Variants in AGBL1 observed in about 807,000 individuals in gnomAD.
AGBL1 encodes the protein AGBL carboxypeptidase 1.
AGBL1 carries 130 observed loss-of-function variants against 118.9 expected under a neutral mutation model. That is an observed-to-expected ratio of 1.09 (90% confidence interval 0.95 to 1.26). The LOEUF (loss-of-function observed/expected upper bound fraction) is 1.26, where lower values mean the gene tolerates loss of function less well. Among genes scored for constraint, AGBL1 ranks in the 50% most tolerant of loss-of-function variants. The pLI, the probability that AGBL1 is intolerant of heterozygous loss-of-function variation, is 0.00. For synonymous variants in AGBL1, 555 were observed against 478.9 expected (o/e 1.16, Z -2.08); for missense variants, 1,584 against 1,298.1 (o/e 1.22, Z -3.38).
At chr15:86,227,053 G>C (rs2078377236) in intron 6 of AGBL1, among the ~76,000 whole-genome samples, 1 of 152,046 alleles carries the variant, frequency 6.6e-6, no homozygotes, top group South Asian at 2.1e-4. Flanking sequence ...TGAGTACTGG[G>C]ATACCAAATT....
chr15:86,703,573 C>A (rs1338758665), intron 22 of AGBL1, among the ~76,000 whole-genome samples: 1 of 152,094 alleles, frequency 6.6e-6, no homozygotes, highest in Non-Finnish European at 1.5e-5. Flanking sequence ...GTCTCTGTGT[C>A]CCTACCCAAA....
intron 22 of AGBL1, among the ~76,000 whole-genome samples, chr15:86,722,193 T>C (rs1016200876): frequency 7.9e-5 from 12 of 152,162 alleles, no homozygotes; most frequent in South Asian, 2.1e-4. Context: ...GAGCCCGCAT[T>C]GCCAAGTCAA....
chr15:86,785,909 A>T (rs901168538), intron 22 of AGBL1, among the ~76,000 whole-genome samples: 1 of 152,156 alleles, frequency 6.6e-6, no homozygotes, highest in Non-Finnish European at 1.5e-5. Flanking sequence ...CTGGGACTAC[A>T]TCAGAGGCAG....
intron 21 of AGBL1, among the ~76,000 whole-genome samples, chr15:86,601,547 T>A (rs746230911): frequency 3.3e-5 from 5 of 152,114 alleles, no homozygotes; most frequent in Non-Finnish European, 2.9e-5. Context: ...AATAAACAGA[T>A]AAACAAATGC....
In AGBL1 at chr15:86,762,007, G is replaced by A. The variant is rs550994736; in HGVS notation, c.3158+87571G>A. On this transcript the variant is annotated intron_variant, in intron 22 of 22. Coordinates refer to ENST00000614907, the MANE Select transcript of AGBL1 (RefSeq NM_001386094.1). ...CTTTAATCCATCTTGAGTTAATGTG[G>A]CACATATACACCATGGAATACTATG... Among the ~76,000 whole-genome samples the A allele has an allele frequency of 3.3e-5, 5 of 152,020 alleles. No individual in the cohort carries two copies. The East Asian group carries it at 9.7e-4, about 30-fold the overall frequency.
At position 86,143,825 on chromosome 15, in the gene AGBL1, T is replaced by C; in HGVS notation, c.242T>C (p.Leu81Pro). 1 of 1,613,812 alleles carries C rather than the reference T, an allele frequency of 6.2e-7. No individual in the cohort carries two copies. Among genetic ancestry groups the C allele is most frequent in the Non-Finnish European group, 8.5e-7 (1 of 1,179,772 alleles). The change falls in exon 3 of 23, where the codon CTG (leucine) becomes CCG (proline). Residue 81 changes from leucine (L) to proline (P), a missense_variant. By Grantham distance (98) the Leu-to-Pro change is moderately conservative. Coordinates refer to ENST00000614907, the MANE Select transcript of AGBL1 (RefSeq NM_001386094.1). ...YDILLPLFRL[L>P]AKVGLRDKKI... Reference sequence around the variant, plus strand: ...ATCCTCCTGCCTCTCTTCCGGCTGCTGGCCAAAGTTGGCCTAAGAGGTACT... The same window carrying C: ...ATCCTCCTGCCTCTCTTCCGGCTGCCGGCCAAAGTTGGCCTAAGAGGTACT...
intron 16 of AGBL1, among the ~76,000 whole-genome samples, chr15:86,292,147 G>A (rs1055890283): frequency 6.6e-6 from 1 of 152,158 alleles, no homozygotes; most frequent in Non-Finnish European, 1.5e-5. Context: ...AGGGGACTTT[G>A]AAGATGTGAT....
chr15:86,156,664 C>T (rs188363333), intron 4 of AGBL1, among the ~76,000 whole-genome samples: 1 of 152,186 alleles, frequency 6.6e-6, no homozygotes, highest in Admixed American at 6.5e-5. Flanking sequence ...CTATGCTTTT[C>T]CCTTAGTCTT....
chr15:87,028,131 A>G (rs573528091), intron 24 of AGBL1, among the ~76,000 whole-genome samples: 4 of 152,074 alleles, frequency 2.6e-5, no homozygotes, highest in South Asian at 4.1e-4. Flanking sequence ...TTCTGTTTCA[A>G]TATTAACTGG....
At position 86,225,276 on chromosome 15, in the gene AGBL1, A is replaced by C. The variant is rs78347075; in HGVS notation, c.526+325A>C. ...GATGGACCCTCCACCCCTGTCTAAC[A>C]GAGCCAGCAGTCCCTAAAGATTGTT... On this transcript the variant is annotated intron_variant, in intron 6 of 22. Transcript: ENST00000614907. 7.9e-3 allele frequency among the ~76,000 whole-genome samples: 1,195 copies of C among 152,124 alleles called. 11 individuals carry two copies. Among genetic ancestry groups the C allele is most frequent in the Middle Eastern group, 0.014 (4 of 294 alleles).
At chr15:86,902,336 T>A (rs1385759912) in intron 22 of AGBL1, among the ~76,000 whole-genome samples, 1 of 152,184 alleles carries the variant, frequency 6.6e-6, no homozygotes, top group Admixed American at 6.5e-5. Context: ...ATTATAGTCT[T>A]AATTTGCATT....
intron 21 of AGBL1, chr15:86,630,481 A>C (rs80069570): frequency 6.6e-6 from 1 of 152,230 alleles, no homozygotes; most frequent in African/African-American, 2.4e-5. Flanking sequence ...CTAAGATGCA[A>C]GAGTGCTGTG....
At chr15:86,978,858 C>T (rs988681423) in intron 23 of AGBL1, among the ~76,000 whole-genome samples, 3 of 152,182 alleles carry the variant, frequency 2.0e-5, no homozygotes, top group African/African-American at 4.8e-5. Context: ...TCTGAACTTA[C>T]ATAGTCCAGT....
intron 6 of AGBL1, among the ~76,000 whole-genome samples, chr15:86,238,596 A>AT (rs1007864475): frequency 1.3e-5 from 2 of 152,198 alleles, no homozygotes; most frequent in Admixed American, 6.5e-5. Context: ...GGTGTATGCC[A>AT]TTTTTTATGT....
At chr15:86,124,069 C>G (rs1389538697) in intron 1 of AGBL1, among the ~76,000 whole-genome samples, 1 of 152,150 alleles carries the variant, frequency 6.6e-6, no homozygotes, top group Non-Finnish European at 1.5e-5. Context: ...GTGGCTCACA[C>G]TTAGAATCCT....
At chr15:86,157,427 A>T (rs2077207561) in intron 4 of AGBL1, among the ~76,000 whole-genome samples, 1 of 152,170 alleles carries the variant, frequency 6.6e-6, no homozygotes, top group Admixed American at 6.5e-5. Context: ...CTAAAGCATA[A>T]ATAGGCTGAA....
At chr15:86,323,109 T>C (rs143619860) in intron 17 of AGBL1, among the ~76,000 whole-genome samples, 2 of 152,168 alleles carry the variant, frequency 1.3e-5, no homozygotes, top group Non-Finnish European at 2.9e-5. Flanking sequence ...AAATTTTTGG[T>C]TTTACTTTAC....
At chr15:86,199,178 A>G (rs1436024494) in intron 5 of AGBL1, among the ~76,000 whole-genome samples, 2 of 152,200 alleles carry the variant, frequency 1.3e-5, no homozygotes, top group Non-Finnish European at 2.9e-5. Flanking sequence ...AACAAAATAC[A>G]TAGCCCTATC....
In AGBL1 at chr15:86,915,117, C is replaced by G. The variant is rs992457599; in HGVS notation, c.*7823C>G. On this transcript the variant is annotated 3_prime_UTR_variant, in exon 23 of 23. Transcript: ENST00000614907. ...ATCTGCAATGTTGTTGAGTGTGAAT[C>G]TTAGCTTTGGTTGGAGTCCAAAGCT... The G allele has an allele frequency of 2.0e-5, 3 of 152,132 alleles. No individual in the cohort carries two copies. Among genetic ancestry groups the G allele is most frequent in the Non-Finnish European group, 4.4e-5 (3 of 68,024 alleles). 9.4% of individuals were successfully genotyped at this position (152,132 alleles called of 1,614,324 possible).
Sources: gnomAD v4.1 joint callset for allele counts (sites outside exome capture counted in the v4.1 genomes callset) on GRCh38, gnomAD v4.1.1 for gene constraint, MANE v1.5 for transcripts, NCBI Gene and HGNC (gene_info 2026-07-23, HGNC 2026-07-21) for gene names.